TRIM16: variants seen among roughly 807,000 people sequenced by gnomAD.
TRIM16 encodes the protein tripartite motif containing 16, also known as tripartite motif-containing protein 16.
TRIM16 carries 33 observed loss-of-function variants against 50.4 expected under a neutral mutation model. The observed-to-expected ratio is 0.65, with a 90% CI of 0.50 to 0.88. The LOEUF is 0.88. TRIM16 is among the 40% of genes least tolerant of loss of function. The probability of loss-of-function intolerance (pLI) is 0.00; values close to 1 mark genes in which losing one functional copy is unlikely to be tolerated. For missense variants in TRIM16, 581 were observed against 686.8 expected (o/e 0.85, Z 1.72); for synonymous variants, 229 against 270.7 (o/e 0.85, Z 1.51).
chr17:15,666,625 G>A (rs1278841461), intron 6 of TRIM16, among the ~76,000 whole-genome samples: 2 of 152,132 alleles, frequency 1.3e-5, no homozygotes, highest in Non-Finnish European at 1.5e-5. Context: ...TTATAAATTA[G>A]TTTTGCTTGT....
chr17:15,658,057 C>A (rs1988056378), intron 6 of TRIM16, among the ~76,000 whole-genome samples: 1 of 152,040 alleles, frequency 6.6e-6, no homozygotes, highest in Non-Finnish European at 1.5e-5. Flanking sequence ...GGGAGGAATC[C>A]CCACCCAGAA....
intron 6 of TRIM16, among the ~76,000 whole-genome samples, chr17:15,671,404 G>A (rs1480965920): frequency 6.7e-6 from 1 of 148,554 alleles, no homozygotes; most frequent in Non-Finnish European, 1.5e-5. Context: ...GGTTTGGGGG[G>A]ATATCTTGGT....
intron 6 of TRIM16, among the ~76,000 whole-genome samples, chr17:15,669,271 TAA>T (rs978200739): frequency 6.6e-6 from 1 of 151,190 alleles, no homozygotes; most frequent in African/African-American, 2.4e-5. Context: ...CCTCTATCAG[TAA>T]AAAAAACTGG....
intron 9 of TRIM16, among the ~76,000 whole-genome samples, chr17:15,633,314 G>T (rs1453701109): frequency 6.6e-6 from 1 of 150,760 alleles, no homozygotes; most frequent in African/African-American, 2.4e-5. Context: ...GAAAACAGTT[G>T]TATGAAAATG....
chr17:15,637,124 G>T, intron 8 of TRIM16, among the ~76,000 whole-genome samples: 1 of 144,334 alleles, frequency 6.9e-6, no homozygotes, highest in African/African-American at 2.6e-5. Context: ...GTGGGGGGGG[G>T]GGGTCAGCCC....
chr17:15,630,775 A>AAGCCAC (rs1986375788), intron 11 of TRIM16, among the ~76,000 whole-genome samples: 1 of 150,960 alleles, frequency 6.6e-6, no homozygotes, highest in Non-Finnish European at 1.5e-5. Context: ...AGCCATGATC[A>AAGCCAC]AGCCACTGTA....
intron 6 of TRIM16, 41 bp downstream of exon 6, chr17:15,677,135 C>A: frequency 1.0e-6 from 1 of 982,856 alleles, no homozygotes; most frequent in Non-Finnish European, 1.2e-6. Context: ...GAACCCCTAA[C>A]TCTTATTTCT....
At chr17:15,633,485 T>A (rs1986535676) in intron 9 of TRIM16, among the ~76,000 whole-genome samples, 1 of 149,288 alleles carries the variant, frequency 6.7e-6, no homozygotes, top group African/African-American at 2.5e-5. Context: ...TTGTTTTGAA[T>A]GCCTAACCAA....
At position 15,628,523 on chromosome 17, in the gene TRIM16, T is replaced by C; in HGVS notation, c.*92A>G. ...ACCCCATAGGATTTCAAAAGCCAGC[T>C]ACCATCAGCAGTTATTTCTGCCCCC... is the stretch of plus-strand genomic sequence containing the variant. On this transcript the variant is annotated 3_prime_UTR_variant, in exon 12 of 12. Coordinates refer to ENST00000649191, the MANE Select transcript of TRIM16 (RefSeq NM_001348119.1). 1 of 1,350,358 alleles carries C rather than the reference T, an allele frequency of 7.4e-7. No homozygotes were observed. The highest frequency in any genetic ancestry group is 9.9e-7 in the Non-Finnish European group (1 of 1,009,276). 83.6% of individuals were successfully genotyped at this position (1,350,358 alleles called of 1,614,324 possible).
intron 6 of TRIM16, among the ~76,000 whole-genome samples, chr17:15,655,782 G>A: frequency 6.6e-6 from 1 of 152,108 alleles, no homozygotes; most frequent in East Asian, 1.9e-4. Flanking sequence ...CACCGTGTTA[G>A]CCAGGATGGT....
intron 6 of TRIM16, among the ~76,000 whole-genome samples, chr17:15,662,626 G>A (rs1828295950): frequency 1.3e-5 from 2 of 152,136 alleles, no homozygotes; most frequent in Admixed American, 6.5e-5. Context: ...GAGCTTGAGA[G>A]CAGATCAGCC....
intron 6 of TRIM16, among the ~76,000 whole-genome samples, chr17:15,653,957 T>C (rs1987850035): frequency 6.6e-6 from 1 of 152,142 alleles, no homozygotes; most frequent in African/African-American, 2.4e-5. Flanking sequence ...TCAGATACAT[T>C]TGAACTCAAA....
chr17:15,677,466 A>T, intron 5 of TRIM16, 109 bp downstream of exon 5: 1 of 968,568 alleles, frequency 1.0e-6, no homozygotes, highest in South Asian at 4.8e-5. Flanking sequence ...TCTGTGGGGG[A>T]AAATAACCAA....
intron 8 of TRIM16, 101 bp from the exon 9 acceptor site, chr17:15,636,370 A>T: frequency 1.6e-6 from 2 of 1,267,898 alleles, no homozygotes; most frequent in Non-Finnish European, 2.2e-6. Context: ...AGAAACACAT[A>T]TATTAGGGAG....
At chr17:15,676,686 C>T (rs1243762358) in intron 6 of TRIM16, among the ~76,000 whole-genome samples, 2 of 152,088 alleles carry the variant, frequency 1.3e-5, no homozygotes, top group Non-Finnish European at 2.9e-5. Flanking sequence ...CCGCCCGCCT[C>T]GGCCTCCCAA....
chr17:15,661,527 T>C (rs1328691062), intron 6 of TRIM16, among the ~76,000 whole-genome samples: 1 of 152,230 alleles, frequency 6.6e-6, no homozygotes, highest in Non-Finnish European at 1.5e-5. Flanking sequence ...TCAGTGTTTC[T>C]TGGAGTCCCT....
At position 15,640,169 on chromosome 17, in the gene TRIM16, A is replaced by T. The variant is rs1398076119; in HGVS notation, c.615+2552T>A. Reference sequence around the variant, plus strand: ...TCCATCCCTTTGACCACCATTCCACACTGCCTCAAAATAGGGCCCAGGGTT... The same window carrying T: ...TCCATCCCTTTGACCACCATTCCACTCTGCCTCAAAATAGGGCCCAGGGTT... On this transcript the variant is annotated intron_variant, in intron 8 of 11. Transcript: ENST00000649191. Among the ~76,000 whole-genome samples the T allele has an allele frequency of 2.0e-5, 3 of 149,000 alleles. No individual in the cohort carries two copies. In the East Asian group the frequency reaches 6.1e-4, roughly 30 times the overall value.
chr17:15,664,068 C>A (rs1988367531), intron 6 of TRIM16, among the ~76,000 whole-genome samples: 1 of 152,154 alleles, frequency 6.6e-6, no homozygotes, highest in Admixed American at 6.5e-5. Context: ...AAAACAGGTT[C>A]TAGGAGCCAG....
chr17:15,635,342 G>A lies in TRIM16; in HGVS notation c.849+694C>T, dbSNP rs551999913. On this transcript the variant is annotated intron_variant, in intron 9 of 11. Coordinates refer to ENST00000649191, the MANE Select transcript of TRIM16 (RefSeq NM_001348119.1). ...ACCCCCAACCTAGTGTTCCTTCCTC[G>A]AAAGGTTACATGTTCTTTAGATCTC... Among the ~76,000 whole-genome samples the A allele has an allele frequency of 4.7e-5, 7 of 148,878 alleles. 1 individual carries two copies. The highest frequency in any genetic ancestry group is 1.5e-4 in the African/African-American group (6 of 40,238).
Sources: allele counts gnomAD v4.1 joint callset (sites outside exome capture counted in the v4.1 genomes callset), GRCh38; gene constraint gnomAD v4.1.1; transcripts MANE v1.5; gene names NCBI Gene and HGNC (gene_info 2026-07-23, HGNC 2026-07-21).